Variants in FAM118B observed in about 807,000 individuals in gnomAD.
The protein encoded by FAM118B is protein FAM118B.
In FAM118B, 24 loss-of-function variants were observed where a neutral mutation model predicts 38.5. The ratio of observed to expected loss-of-function variants is 0.62; its 90% confidence interval spans 0.45 to 0.88. The LOEUF (loss-of-function observed/expected upper bound fraction) is 0.88. FAM118B is among the 40% of genes least tolerant of loss of function. FAM118B has a pLI of 0.00. For synonymous variants in FAM118B, 138 were observed against 156.3 expected (o/e 0.88, Z 0.87); for missense variants, 334 against 420.0 (o/e 0.80, Z 1.79).
chr11:126,261,110 C>G (rs1950686022), intron 7 of FAM118B: 1 of 236,152 alleles, frequency 4.2e-6, no homozygotes, highest in East Asian at 8.5e-5. Context: ...CGAAACTTGG[C>G]CCTCTAGACT....
chr11:126,261,137 C>CT, intron 7 of FAM118B: 1 of 349,240 alleles, frequency 2.9e-6, no homozygotes, highest in South Asian at 4.4e-5. Flanking sequence ...GGACAGCAGA[C>CT]ACATGTTGCC....
intron 4 of FAM118B, among the ~76,000 whole-genome samples, chr11:126,243,742 A>G (rs1262315081): frequency 6.6e-6 from 1 of 152,020 alleles, no homozygotes; most frequent in Non-Finnish European, 1.5e-5. Flanking sequence ...TGTCTCTACT[A>G]AAAATACAAA....
intron 7 of FAM118B, among the ~76,000 whole-genome samples, chr11:126,259,866 G>A (rs1591532065): frequency 2.0e-5 from 3 of 150,154 alleles, no homozygotes; most frequent in South Asian, 2.1e-4. Flanking sequence ...GACTAAAGGC[G>A]CCCGCCACCA....
chr11:126,223,060 T>C (rs2135133882), intron 1 of FAM118B, among the ~76,000 whole-genome samples: 1 of 131,780 alleles, frequency 7.6e-6, no homozygotes, highest in Admixed American at 8.8e-5. Context: ...AGAATATCAC[T>C]CTGAGGAAAG....
At position 126,241,049 on chromosome 11, in the gene FAM118B, G is replaced by A; in HGVS notation, c.339+5G>A. 1 of 1,581,100 alleles carries A rather than the reference G, an allele frequency of 6.3e-7. No individual in the cohort carries two copies. Among genetic ancestry groups the A allele is most frequent in the South Asian group, 1.1e-5 (1 of 87,594 alleles). ...CTTATCCAGAAACTCTCTCCTGTGA[G>A]TACCCTAGTATGTGCCACAGTATTT... is the stretch of plus-strand genomic sequence containing the variant. On this transcript the variant is annotated splice_donor_5th_base_variant and intron_variant, in intron 4 of 8. Coordinates refer to ENST00000533050, the MANE Select transcript of FAM118B (RefSeq NM_024556.4).
chr11:126,246,115 AATAATAAAAATG>A (rs1244299626), intron 4 of FAM118B, among the ~76,000 whole-genome samples: 3 of 152,226 alleles, frequency 2.0e-5, no homozygotes, highest in African/African-American at 7.2e-5. Flanking sequence ...ATTACAACTT[AATAATAAAAATG>A]ATATATTTAG....
intron 1 of FAM118B, among the ~76,000 whole-genome samples, chr11:126,216,324 C>A (rs111230146): frequency 0.09 from 13,708 of 151,850 alleles, 1,823 homozygotes; most frequent in African/African-American, 0.29. Context: ...TGCGGTGAGT[C>A]GAGGTCGCAC....
intron 5 of FAM118B, among the ~76,000 whole-genome samples, chr11:126,254,061 G>A (rs905130326): frequency 1.3e-5 from 2 of 152,154 alleles, no homozygotes; most frequent in East Asian, 1.9e-4. Context: ...TGCAAATTAT[G>A]ACAAATTGTG....
intron 3 of FAM118B, among the ~76,000 whole-genome samples, chr11:126,240,115 G>A (rs1242002749): frequency 6.6e-6 from 1 of 152,200 alleles, no homozygotes; most frequent in African/African-American, 2.4e-5. Flanking sequence ...CACCCATGCT[G>A]TCTCACATAT....
intron 2 of FAM118B, among the ~76,000 whole-genome samples, chr11:126,234,664 T>G (rs2936610): frequency 0.15 from 22,065 of 152,152 alleles, 2,645 homozygotes; most frequent in East Asian, 0.64. Flanking sequence ...GAATAACTGG[T>G]TTTTCTTAAG....
Position 126,240,983 on chromosome 11 carries a change from G to A in FAM118B, c.278G>A (p.Cys93Tyr). 6.2e-7 allele frequency: 1 copy of A among 1,613,988 alleles called. No homozygotes were observed. The highest frequency in any genetic ancestry group is 1.6e-4 in the Middle Eastern group (1 of 6,062). Residue 93 changes from cysteine (C) to tyrosine (Y), a missense_variant, in exon 4 of 9, where the codon TGT becomes TAT. By Grantham distance (194) the Cys-to-Tyr change is radical. Around this residue, in one of 3 missense-constraint regions of FAM118B, gnomAD observed 240 missense variants for 295.9 expected, o/e 0.81. Transcript: ENST00000533050. ...EDEESKKFQK[C>Y]LHEDKNLVHV... ...GAGGAGAGCAAAAAGTTTCAGAAAT[G>A]TCTCCATGAAGACAAGAACCTGGTC...
intron 1 of FAM118B, among the ~76,000 whole-genome samples, chr11:126,222,690 T>C (rs1291193939): frequency 6.6e-6 from 1 of 152,210 alleles, no homozygotes; most frequent in Non-Finnish European, 1.5e-5. Context: ...CCCAAATTCA[T>C]CCTAATTTTT....
Position 126,230,649 on chromosome 11 carries a change from G to C in FAM118B, c.-8+1356G>C, listed in dbSNP as rs577375939. ...AACATTAGAATTTTTCTCTCCATTT[G>C]ATTTATTTCGTCTGCTAATATACCC... On this transcript the variant is annotated intron_variant, in intron 2 of 8. Transcript: ENST00000533050. 1.3e-4 allele frequency among the ~76,000 whole-genome samples: 20 copies of C among 152,200 alleles called. No homozygotes were observed. The South Asian group carries it at 3.7e-3, about 28-fold the overall frequency.
intron 4 of FAM118B, 54 bp downstream of exon 4, chr11:126,241,098 C>CA (rs1950351372): frequency 1.3e-6 from 2 of 1,494,542 alleles, no homozygotes; most frequent in East Asian, 4.6e-5. Context: ...ATTTAACTAT[C>CA]ACAACTAGCA....
In FAM118B at chr11:126,261,410, A is replaced by T; in HGVS notation, c.983-15A>T. ...CTTTTCAGTCTAATGTCTGATGCTG[A>T]TGTCCTCTATTTAGCAGGGATGGTG... On this transcript the variant is annotated splice_polypyrimidine_tract_variant and intron_variant, in intron 7 of 8. Transcript: ENST00000533050. 6.2e-7 allele frequency: 1 copy of T among 1,612,474 alleles called. No individual in the cohort carries two copies. Among genetic ancestry groups the T allele is most frequent in the Non-Finnish European group, 8.5e-7 (1 of 1,178,646 alleles).
At chr11:126,260,464 C>T (rs1950665980) in intron 7 of FAM118B, 1 of 149,688 alleles carries the variant, frequency 6.7e-6, no homozygotes, top group Non-Finnish European at 1.5e-5. Context: ...TCCCTATCTT[C>T]ATAACCACTA....
chr11:126,215,638 A>G (rs1201554939), intron 1 of FAM118B, among the ~76,000 whole-genome samples: 1 of 145,662 alleles, frequency 6.9e-6, no homozygotes, highest in Non-Finnish European at 1.5e-5. Flanking sequence ...CAGAGCTTGC[A>G]GTGAGCCAAG....
rs191712168 is a variant in FAM118B, at chr11:126,254,540, G to A, written c.696+107G>A. On this transcript the variant is annotated intron_variant, in intron 6 of 8. Transcript: ENST00000533050. Reference sequence around the variant, plus strand: ...CATCTTCTTTTCATTAAGTGAAAACGGAAGGTCAGGGGCTAGGAGCAGTGG... The same window carrying A: ...CATCTTCTTTTCATTAAGTGAAAACAGAAGGTCAGGGGCTAGGAGCAGTGG... The A allele has an allele frequency of 1.0e-4, 144 of 1,434,536 alleles. 1 individual carries two copies. The African/African-American group carries it at 1.7e-3, about 17-fold the overall frequency. The allele number at this position is 1,434,536 out of a possible 1,614,324, so 88.9% of individuals were successfully genotyped here.
intron 5 of FAM118B, among the ~76,000 whole-genome samples, chr11:126,251,073 C>T (rs1340111174): frequency 2.0e-5 from 3 of 152,010 alleles, no homozygotes; most frequent in Non-Finnish European, 2.9e-5. Flanking sequence ...TTTAGGATAC[C>T]TTTTTTTATG....
Sources: gnomAD v4.1 joint callset for allele counts (sites outside exome capture counted in the v4.1 genomes callset) on GRCh38, gnomAD v4.1.1 for gene constraint, gnomAD v4.1.1 regional missense constraint, MANE v1.5 for transcripts, NCBI Gene and HGNC (gene_info 2026-07-23, HGNC 2026-07-21) for gene names.